PFKP: variants seen among roughly 807,000 people sequenced by gnomAD.
PFKP encodes the protein ATP-dependent 6-phosphofructokinase, platelet type.
PFKP carries 101 observed loss-of-function variants against 94.3 expected under a neutral mutation model. The ratio of observed to expected loss-of-function variants is 1.07; its 90% CI spans 0.91 to 1.26. The LOEUF is 1.26. Among genes scored for constraint, PFKP ranks in the 50% most tolerant of loss-of-function variants. PFKP has a pLI of 0.00. For missense variants in PFKP, 1,145 were observed against 1,103.3 expected, an observed-to-expected ratio of 1.04 and a Z score of -0.53; for synonymous variants, 573 against 432.6, an observed-to-expected ratio of 1.32 and a Z score of -4.03.
intron 16 of PFKP, among the ~76,000 whole-genome samples, chr10:3,128,526 G>A (rs913526415): frequency 2.6e-5 from 4 of 152,248 alleles, no homozygotes; most frequent in African/African-American, 4.8e-5. Context: ...GCTCTGGAGC[G>A]CAGGAGCCAT....
intron 3 of PFKP, among the ~76,000 whole-genome samples, chr10:3,100,442 TAGG>T (rs1406649461): frequency 2.0e-5 from 3 of 152,274 alleles, no homozygotes; most frequent in East Asian, 1.9e-4. Context: ...CATGTAAAAA[TAGG>T]AGCTTTTCTG....
At position 3,101,873 on chromosome 10, in the gene PFKP, C is replaced by T. The variant is rs192860556; in HGVS notation, c.454+319C>T. Among the ~76,000 whole-genome samples, 190 of 152,302 alleles carry T rather than the reference C, an allele frequency of 1.2e-3. 1 individual carries two copies. The highest frequency in any genetic ancestry group is 3.9e-3 in the African/African-American group (163 of 41,574). On this transcript the variant is annotated intron_variant, in intron 4 of 21. Transcript: ENST00000381125. Reference sequence around the variant, plus strand: ...ATCAAACGGCCACTCAGCCGTGGGGCGAGCCGGGTCCCCAGCAGCCTGGGA... The same window carrying T: ...ATCAAACGGCCACTCAGCCGTGGGGTGAGCCGGGTCCCCAGCAGCCTGGGA...
At chr10:3,132,627 T>C (rs368308845) in intron 18 of PFKP, among the ~76,000 whole-genome samples, 186 bp downstream of exon 18, 1 of 86,712 alleles carries the variant, frequency 1.2e-5, no homozygotes, top group African/African-American at 2.9e-5. Flanking sequence ...TTTAGACAAC[T>C]AATATTTTTG....
At chr10:3,112,893 A>G (rs935910909) in intron 11 of PFKP, among the ~76,000 whole-genome samples, 1 of 152,252 alleles carries the variant, frequency 6.6e-6, no homozygotes, top group African/African-American at 2.4e-5. Context: ...TATGAAGTGT[A>G]GAAGCGTGCC....
intron 3 of PFKP, 36 bp downstream of exon 3, chr10:3,099,388 T>C (rs1238265705): frequency 6.7e-7 from 1 of 1,499,520 alleles, no homozygotes; most frequent in Non-Finnish European, 9.3e-7. Flanking sequence ...GTTCTCTGAG[T>C]TAGAGACTCT....
Position 3,116,757 on chromosome 10 carries a change from T to C in PFKP, c.1372-19T>C. On this transcript the variant is annotated intron_variant, in intron 13 of 21. Coordinates refer to ENST00000381125, the MANE Select transcript of PFKP (RefSeq NM_002627.5). ...TTCATTGTTCACTTTAGCTGTTTCG[T>C]TCTGTGTTTGCACATTAGATCAAAG... The C allele has an allele frequency of 6.2e-7, 1 of 1,603,610 alleles. No homozygotes were observed. Among genetic ancestry groups the C allele is most frequent in the East Asian group, 2.2e-5 (1 of 44,838 alleles).
chr10:3,075,430 G>C, intron 1 of PFKP, among the ~76,000 whole-genome samples: 1 of 151,716 alleles, frequency 6.6e-6, no homozygotes, highest in Non-Finnish European at 1.5e-5. Context: ...GCCGATTCCA[G>C]AGCGGCTTCC....
At chr10:3,111,334 G>C (rs1836213460) in intron 10 of PFKP, among the ~76,000 whole-genome samples, 1 of 152,146 alleles carries the variant, frequency 6.6e-6, no homozygotes, top group African/African-American at 2.4e-5. Flanking sequence ...ATGTTGGAGT[G>C]TGAGGTAGTG....
chr10:3,108,629 G>A (rs1463011011), intron 8 of PFKP, 72 bp from the exon 9 acceptor site: 2 of 1,129,636 alleles, frequency 1.8e-6, no homozygotes, highest in Non-Finnish European at 2.7e-6. Context: ...CCAGTGCCCA[G>A]TACCTCCTTC....
chr10:3,088,486 G>T (rs1289010340), intron 2 of PFKP, among the ~76,000 whole-genome samples: 2 of 152,100 alleles, frequency 1.3e-5, no homozygotes, highest in African/African-American at 2.4e-5. Flanking sequence ...GGGCAGCAAA[G>T]CCCCGGCTGA....
At chr10:3,082,522 A>G in intron 2 of PFKP, 61 bp downstream of exon 2, 2 of 1,256,270 alleles carry the variant, frequency 1.6e-6, no homozygotes, top group Non-Finnish European at 2.3e-6. Context: ...CCCTGCAGTC[A>G]CCGGCGCTCG....
intron 7 of PFKP, 113 bp downstream of exon 7, chr10:3,105,614 T>G (rs1835465241): frequency 1.4e-6 from 1 of 714,712 alleles, no homozygotes; most frequent in Admixed American, 2.2e-5. Flanking sequence ...CTGTCTCCAG[T>G]TTGTCACACT....
chr10:3,087,875 A>G (rs1264395929), intron 2 of PFKP, among the ~76,000 whole-genome samples: 1 of 151,680 alleles, frequency 6.6e-6, no homozygotes, highest in African/African-American at 2.4e-5. Flanking sequence ...GACCGCCAGG[A>G]CTTTGTATGA....
In PFKP at chr10:3,135,756, G is replaced by GA; in HGVS notation, c.2144dup (p.Asp715GlufsTer28). ...TATAGGAAAAAAATTTACCACCGATGATTCCATTTGTGTGCTGGGAATAAG... is the reference window on the plus strand; with the variant it reads ...TATAGGAAAAAAATTTACCACCGATGAATTCCATTTGTGTGCTGGGAATAAG... On this transcript the variant is annotated frameshift_variant, in exon 21 of 22. Transcript: ENST00000381125. LOFTEE classifies it high-confidence loss of function. 1 of 1,611,718 alleles carries GA rather than the reference G, an allele frequency of 6.2e-7. No homozygotes were observed. Among genetic ancestry groups the GA allele is most frequent in the Non-Finnish European group, 8.5e-7 (1 of 1,178,226 alleles).
intron 2 of PFKP, among the ~76,000 whole-genome samples, chr10:3,093,668 G>C (rs1834236304): frequency 9.2e-6 from 1 of 109,286 alleles, no homozygotes; most frequent in East Asian, 2.3e-4. Flanking sequence ...TTTTGAGACA[G>C]AGTCTTGCTC....
intron 16 of PFKP, among the ~76,000 whole-genome samples, chr10:3,121,253 T>C (rs12243817): frequency 0.013 from 1,883 of 143,094 alleles, 23 homozygotes; most frequent in Middle Eastern, 0.032. Context: ...GACCTAGACG[T>C]TGCTTCTGTT....
At chr10:3,117,164 G>A (rs1005772978) in intron 14 of PFKP, among the ~76,000 whole-genome samples, 2 of 152,314 alleles carry the variant, frequency 1.3e-5, no homozygotes, top group Admixed American at 6.5e-5. Context: ...GTGGTGTCAC[G>A]GAGCCGTGGA....
At chr10:3,136,404 C>G (rs45590841) in intron 21 of PFKP, 46 bp from the exon 22 acceptor site, 1 of 1,603,976 alleles carries the variant, frequency 6.2e-7, no homozygotes, top group Admixed American at 1.7e-5. Flanking sequence ...AGGCATCTCC[C>G]GCCAGTGACT....
intron 2 of PFKP, among the ~76,000 whole-genome samples, chr10:3,089,531 T>A (rs542954555): frequency 8.5e-4 from 130 of 152,242 alleles, no homozygotes; most frequent in Non-Finnish European, 1.6e-3. Flanking sequence ...ATGCAATGCA[T>A]CATGATAAAA....
Sources: gnomAD v4.1 joint callset for allele counts (sites outside exome capture counted in the v4.1 genomes callset) on GRCh38, gnomAD v4.1.1 for gene constraint, MANE v1.5 for transcripts, NCBI Gene and HGNC (gene_info 2026-07-23, HGNC 2026-07-21) for gene names.